The following CAP2 variants were observed in gnomAD, a reference collection of about 807,000 sequenced individuals.
CAP2 encodes cyclase associated actin cytoskeleton regulatory protein 2, also known as adenylyl cyclase-associated protein 2.
Under a neutral mutation model 57.7 loss-of-function variants are expected in CAP2, and 24 were observed. That is an observed-to-expected ratio of 0.42 (90% CI 0.30 to 0.58). The LOEUF is 0.58. CAP2 is among the 20% of genes least tolerant of loss of function. CAP2 has a pLI of 0.22. For missense variants in CAP2, 501 were observed against 590.3 expected (o/e 0.85, Z 1.57); for synonymous variants, 194 against 207.2 (o/e 0.94, Z 0.55).
chr6:17,541,221 A>G, intron 9 of CAP2, 73 bp downstream of exon 9: 1 of 1,170,248 alleles, frequency 8.5e-7, no homozygotes, highest in East Asian at 2.4e-5. Flanking sequence ...ACCATTTACC[A>G]AGATCTGAAG....
chr6:17,419,518 C>A (rs1216701994), intron 1 of CAP2, among the ~76,000 whole-genome samples: 1 of 152,132 alleles, frequency 6.6e-6, no homozygotes, highest in East Asian at 1.9e-4. Flanking sequence ...TCTCAGGAAC[C>A]TGAACAAATT....
In CAP2 at chr6:17,485,348, A is replaced by G. The variant is rs969956637; in HGVS notation, c.301-21821A>G. Among the ~76,000 whole-genome samples the G allele has an allele frequency of 2.6e-5, 4 of 152,226 alleles. No homozygotes were observed. In the South Asian group the frequency reaches 8.3e-4, roughly 31 times the overall value. On this transcript the variant is annotated intron_variant, in intron 4 of 12. Coordinates refer to ENST00000229922, the MANE Select transcript of CAP2 (RefSeq NM_006366.3). Reference sequence around the variant, plus strand: ...GATCAAAGCCTGCAGATGTTCAGTTACAGAACTTGCCAAGAACCTGCAGTG... The same window carrying G: ...GATCAAAGCCTGCAGATGTTCAGTTGCAGAACTTGCCAAGAACCTGCAGTG...
intron 4 of CAP2, among the ~76,000 whole-genome samples, chr6:17,473,620 C>T (rs1476543819): frequency 2.0e-5 from 3 of 152,208 alleles, no homozygotes; most frequent in Admixed American, 2.0e-4. Context: ...CAGAACATAG[C>T]TTCTGTCATC....
Position 17,507,915 on chromosome 6 carries a change from T to C in CAP2, c.530+189T>C, listed in dbSNP as rs140113332. ...AGTGGAATCAATTATCCAGATAATATATGGGTTTTAGAAAGTCTGCCTCAG... is the reference window on the plus strand; with the variant it reads ...AGTGGAATCAATTATCCAGATAATACATGGGTTTTAGAAAGTCTGCCTCAG... On this transcript the variant is annotated intron_variant, in intron 6 of 12. Coordinates refer to ENST00000229922, the MANE Select transcript of CAP2 (RefSeq NM_006366.3). Among the ~76,000 whole-genome samples the C allele has an allele frequency of 4.9e-3, 747 of 152,306 alleles. 5 individuals carry two copies. Among genetic ancestry groups the C allele is most frequent in the African/African-American group, 0.017 (691 of 41,566 alleles).
chr6:17,541,937 G>A (rs1003201365), intron 9 of CAP2, among the ~76,000 whole-genome samples: 1 of 152,084 alleles, frequency 6.6e-6, no homozygotes, highest in Admixed American at 6.5e-5. Context: ...TAAAATAGAC[G>A]TAGCATAAAA....
intron 7 of CAP2, among the ~76,000 whole-genome samples, chr6:17,537,449 G>T (rs1762800535): frequency 6.6e-6 from 1 of 152,080 alleles, no homozygotes; most frequent in Admixed American, 6.6e-5. Context: ...ACCCTTCTCG[G>T]CTTCCCAAAG....
chr6:17,528,619 G>A (rs80194765), intron 7 of CAP2, among the ~76,000 whole-genome samples: 1 of 152,192 alleles, frequency 6.6e-6, no homozygotes, highest in African/African-American at 2.4e-5. Context: ...CCTGGTCTTT[G>A]TATCTTGGGA....
In CAP2 at chr6:17,432,635, T is replaced by C. The variant is rs1222140953; in HGVS notation, c.222+5945T>C. On this transcript the variant is annotated intron_variant, in intron 3 of 12. Transcript: ENST00000229922. ...TTAAATGGGGCATCTTCTTTCTTAC[T>C]GGCTTAGCCATTAATGATAGCCAGA... Among the ~76,000 whole-genome samples, 5 of 152,208 alleles carry C rather than the reference T, an allele frequency of 3.3e-5. 1 individual carries two copies. Among genetic ancestry groups the C allele is most frequent in the Admixed American group, 3.3e-4 (5 of 15,286 alleles).
intron 6 of CAP2, among the ~76,000 whole-genome samples, chr6:17,512,500 A>T (rs1762180897): frequency 6.6e-6 from 1 of 152,222 alleles, no homozygotes; most frequent in Non-Finnish European, 1.5e-5. Flanking sequence ...ATAAACATAG[A>T]CATATGTGTG....
intron 3 of CAP2, among the ~76,000 whole-genome samples, chr6:17,438,320 C>T (rs62393832): frequency 1.3e-5 from 2 of 148,790 alleles, no homozygotes; most frequent in South Asian, 4.2e-4. Context: ...GGGCCGAGAT[C>T]GTGCCACTGC....
At chr6:17,445,472 A>T (rs1193598802) in intron 3 of CAP2, among the ~76,000 whole-genome samples, 3 of 152,188 alleles carry the variant, frequency 2.0e-5, no homozygotes, top group Non-Finnish European at 4.4e-5. Context: ...TCCAGTTTGG[A>T]TTGGGTTGTG....
intron 4 of CAP2, among the ~76,000 whole-genome samples, chr6:17,475,777 T>G (rs990012989): frequency 1.3e-5 from 2 of 152,252 alleles, no homozygotes; most frequent in Non-Finnish European, 2.9e-5. Context: ...AAACGGTACT[T>G]TCTTCAGGCA....
chr6:17,402,794 A>ATATC (rs1357585114), intron 1 of CAP2, among the ~76,000 whole-genome samples: 5 of 152,222 alleles, frequency 3.3e-5, no homozygotes, highest in Non-Finnish European at 7.3e-5. Context: ...AACTTAACTT[A>ATATC]TATCTCTACA....
intron 4 of CAP2, among the ~76,000 whole-genome samples, chr6:17,483,185 T>A (rs1581557841): frequency 6.6e-6 from 1 of 152,280 alleles, no homozygotes; most frequent in South Asian, 2.1e-4. Flanking sequence ...TTATTGTTTA[T>A]GAAGCCTATC....
chr6:17,486,652 C>CAGG (rs1761426770), intron 4 of CAP2, among the ~76,000 whole-genome samples: 1 of 152,068 alleles, frequency 6.6e-6, no homozygotes, highest in Non-Finnish European at 1.5e-5. Context: ...GAAGCATGGC[C>CAGG]AGGATATCAT....
At chr6:17,438,255 A>T (rs1759956556) in intron 3 of CAP2, among the ~76,000 whole-genome samples, 1 of 150,100 alleles carries the variant, frequency 6.7e-6, no homozygotes, top group Non-Finnish European at 1.5e-5. Flanking sequence ...AATCCCAGCT[A>T]CTCGGGAGGC....
chr6:17,399,005 C>G lies in CAP2; in HGVS notation c.-2+5259C>G, dbSNP rs556081968. Among the ~76,000 whole-genome samples, 4 of 152,326 alleles carry G rather than the reference C, an allele frequency of 2.6e-5. No individual in the cohort carries two copies. In the South Asian group the frequency reaches 8.3e-4, roughly 32 times the overall value. ...TCCATGGCAACCACCATTCTACTTTCTGTCCCTGAATGTGCCTATTCTAAG... is the reference window on the plus strand; with the variant it reads ...TCCATGGCAACCACCATTCTACTTTGTGTCCCTGAATGTGCCTATTCTAAG... On this transcript the variant is annotated intron_variant, in intron 1 of 12. Transcript: ENST00000229922.
Position 17,529,223 on chromosome 6 carries a change from T to G in CAP2, c.637-10046T>G, listed in dbSNP as rs1354431119. On this transcript the variant is annotated intron_variant, in intron 7 of 12. Transcript: ENST00000229922. ...TTCTAATAAAAGTGTGCTATAAATA[T>G]GAATGTAAAATTTGCAAGTTATTAT... Among the ~76,000 whole-genome samples the G allele has an allele frequency of 8.5e-5, 13 of 152,318 alleles. No homozygotes were observed. In the East Asian group the frequency reaches 2.5e-3, roughly 29 times the overall value.
intron 3 of CAP2, among the ~76,000 whole-genome samples, chr6:17,452,507 C>T (rs548703848): frequency 2.6e-5 from 4 of 152,104 alleles, no homozygotes; most frequent in East Asian, 1.9e-4. Flanking sequence ...AGAAACATTC[C>T]GTACTTCTTT....
Sources: allele counts gnomAD v4.1 joint callset (sites outside exome capture counted in the v4.1 genomes callset), GRCh38; gene constraint gnomAD v4.1.1; transcripts MANE v1.5; gene names NCBI Gene and HGNC (gene_info 2026-07-23, HGNC 2026-07-21).